The following SHROOM3 variants were observed in gnomAD, a reference collection of about 807,000 sequenced individuals.
SHROOM3 encodes shroom family member 3.
Under a neutral mutation model 138.6 loss-of-function variants are expected in SHROOM3, and 47 were observed. The ratio of observed to expected loss-of-function variants is 0.34; its 90% CI spans 0.27 to 0.43. The LOEUF (loss-of-function observed/expected upper bound fraction) is 0.43. Among genes scored for constraint, SHROOM3 ranks in the 20% least tolerant of loss-of-function variants. The pLI is 1.00. For synonymous variants in SHROOM3, 1,062 were observed against 1,063.3 expected (o/e 1.00, Z 0.02); for missense variants, 2,491 against 2,596.5 (o/e 0.96, Z 0.88).
intron 3 of SHROOM3, among the ~76,000 whole-genome samples, chr4:76,724,639 C>T (rs1720647000): frequency 1.3e-5 from 2 of 152,262 alleles, no homozygotes; most frequent in South Asian, 2.1e-4. Flanking sequence ...TCCAAAACTA[C>T]TCTTTACGTT....
intron 1 of SHROOM3, among the ~76,000 whole-genome samples, chr4:76,493,212 G>A (rs1277804813): frequency 4.2e-5 from 4 of 95,976 alleles, no homozygotes; most frequent in South Asian, 7.8e-4. Context: ...CAACAGGAGT[G>A]AAACTCCATC....
chr4:76,486,704 T>C (rs1031350386), intron 1 of SHROOM3, among the ~76,000 whole-genome samples: 2 of 152,122 alleles, frequency 1.3e-5, no homozygotes, highest in Non-Finnish European at 2.9e-5. Flanking sequence ...TTCACATAGA[T>C]TCCTAAAGGA....
In SHROOM3 at chr4:76,664,319, C is replaced by A. The variant is rs1226064110; in HGVS notation, c.324-45837C>A. The stretch of plus-strand genomic sequence containing the variant: ...GCCACTTTCTCATCTAAAGAGCTTA[C>A]TGAACCTAACTTCTTTGGAGAACAT... On this transcript the variant is annotated intron_variant, in intron 2 of 10. Transcript: ENST00000296043. The surrounding 1 kb of genome is among the most constrained non-coding windows in gnomAD (Gnocchi z 4.2). Among the ~76,000 whole-genome samples, 1 of 152,236 alleles carries A rather than the reference C, an allele frequency of 6.6e-6. No individual in the cohort carries two copies. The highest frequency in any genetic ancestry group is 1.9e-4 in the East Asian group (1 of 5,204).
intron 2 of SHROOM3, among the ~76,000 whole-genome samples, chr4:76,647,742 A>G (rs1735856273): frequency 6.6e-6 from 1 of 152,092 alleles, no homozygotes; most frequent in Admixed American, 6.6e-5. Flanking sequence ...AGAAAAATAC[A>G]AAAATTAGCT....
chr4:76,475,246 G>T (rs1031004739), intron 1 of SHROOM3, among the ~76,000 whole-genome samples: 1 of 152,152 alleles, frequency 6.6e-6, no homozygotes, highest in Non-Finnish European at 1.5e-5. Flanking sequence ...GAAAAAGCGA[G>T]ATTTTGGTTG....
chr4:76,484,972 G>A (rs893248961), intron 1 of SHROOM3, among the ~76,000 whole-genome samples: 1 of 152,140 alleles, frequency 6.6e-6, no homozygotes, highest in Non-Finnish European at 1.5e-5. Flanking sequence ...CACAGTCTCT[G>A]TTCAGAGATG....
intron 1 of SHROOM3, among the ~76,000 whole-genome samples, chr4:76,492,451 T>G (rs564834664): frequency 6.6e-6 from 1 of 152,364 alleles, no homozygotes; most frequent in East Asian, 1.9e-4. Flanking sequence ...CCAACTTTCT[T>G]TGTCATGTTC....
intron 2 of SHROOM3, among the ~76,000 whole-genome samples, chr4:76,630,431 A>G (rs1735281707): frequency 6.6e-6 from 1 of 152,190 alleles, no homozygotes; most frequent in African/African-American, 2.4e-5. Context: ...CAGGTAGTAG[A>G]GCTCTCTTAT....
chr4:76,521,070 T>G (rs1001712375), intron 1 of SHROOM3, among the ~76,000 whole-genome samples: 4 of 152,250 alleles, frequency 2.6e-5, no homozygotes, highest in Admixed American at 2.0e-4. Context: ...GCAAATCATA[T>G]GCCTTCATTA....
At chr4:76,495,037 C>G (rs1237460461) in intron 1 of SHROOM3, among the ~76,000 whole-genome samples, 2 of 152,216 alleles carry the variant, frequency 1.3e-5, no homozygotes, top group Non-Finnish European at 2.9e-5. Context: ...GATGGCCCCA[C>G]CATCTGGGAG....
intron 2 of SHROOM3, among the ~76,000 whole-genome samples, chr4:76,616,759 G>A (rs890065051): frequency 6.6e-6 from 1 of 152,158 alleles, no homozygotes; most frequent in Non-Finnish European, 1.5e-5. Flanking sequence ...TAGTGGTGAT[G>A]GGATGCAGCA....
intron 1 of SHROOM3, among the ~76,000 whole-genome samples, chr4:76,484,572 A>AAAACAAAC (rs142274232): frequency 1.8e-3 from 264 of 147,642 alleles, no homozygotes; most frequent in Non-Finnish European, 1.5e-3. Flanking sequence ...CCCTTACTCT[A>AAAACAAAC]AAACAAACAA....
In SHROOM3 at chr4:76,741,986, G is replaced by C; in HGVS notation, c.3753+60G>C. On this transcript the variant is annotated intron_variant, in intron 5 of 10. Coordinates refer to ENST00000296043, the MANE Select transcript of SHROOM3 (RefSeq NM_020859.4). The surrounding 1 kb of genome is among the most constrained non-coding windows in gnomAD (Gnocchi z 6.2). Reference sequence around the variant, plus strand: ...TCCCTTCCTCCCTAGAAGCTTTAGTGGGGCTCCCCAACCCCCCACACTCTC... The same window carrying C: ...TCCCTTCCTCCCTAGAAGCTTTAGTCGGGCTCCCCAACCCCCCACACTCTC... 6.3e-7 allele frequency: 1 copy of C among 1,583,340 alleles called. No homozygotes were observed.
intron 2 of SHROOM3, among the ~76,000 whole-genome samples, chr4:76,566,310 T>C (rs75495079): frequency 0.016 from 2,386 of 152,144 alleles, 66 homozygotes; most frequent in African/African-American, 0.055. Context: ...TATGCAAATA[T>C]GACATCATTT....
intron 1 of SHROOM3, among the ~76,000 whole-genome samples, chr4:76,538,166 T>C (rs1733022224): frequency 1.3e-5 from 2 of 152,222 alleles, no homozygotes; most frequent in South Asian, 4.1e-4. Flanking sequence ...CCCAAAGTGC[T>C]GGGATTACAG....
At chr4:76,490,578 G>C (rs555302335) in intron 1 of SHROOM3, among the ~76,000 whole-genome samples, 1 of 152,186 alleles carries the variant, frequency 6.6e-6, no homozygotes, top group East Asian at 1.9e-4. Flanking sequence ...TTATTACTTA[G>C]GCATGAAAAG....
At chr4:76,733,367 GTC>G (rs1173313051) in intron 4 of SHROOM3, among the ~76,000 whole-genome samples, 2 of 152,270 alleles carry the variant, frequency 1.3e-5, no homozygotes, top group East Asian at 3.9e-4. Flanking sequence ...CTACCACTCT[GTC>G]TCTCTGATTG....
chr4:76,638,150 T>C (rs1469950853), intron 2 of SHROOM3, among the ~76,000 whole-genome samples: 1 of 152,206 alleles, frequency 6.6e-6, no homozygotes, highest in Non-Finnish European at 1.5e-5. Context: ...AATTTTTTAA[T>C]AGCACCAAAT....
At chr4:76,600,716 T>C (rs1383404151) in intron 2 of SHROOM3, among the ~76,000 whole-genome samples, 1 of 152,192 alleles carries the variant, frequency 6.6e-6, no homozygotes. Context: ...TATGGAAATT[T>C]TTATAAATGC....
Sources: gnomAD v4.1 joint callset for allele counts (sites outside exome capture counted in the v4.1 genomes callset) on GRCh38, gnomAD v4.1.1 for gene constraint, Gnocchi (gnomAD v3.1) non-coding constraint, MANE v1.5 for transcripts, NCBI Gene and HGNC (gene_info 2026-07-23, HGNC 2026-07-21) for gene names.